Variants in SPIN1 observed in about 807,000 individuals in gnomAD.
SPIN1 encodes spindlin 1.
Under a neutral mutation model 26.0 loss-of-function variants are expected in SPIN1, and 3 were observed. The ratio of observed to expected loss-of-function variants is 0.12; its 90% CI spans 0.05 to 0.30. The LOEUF is 0.30. SPIN1 is among the 10% of genes least tolerant of loss of function. The pLI, the probability that SPIN1 is intolerant of heterozygous loss-of-function variation, is 1.00. For synonymous variants in SPIN1, 101 were observed against 116.5 expected (o/e 0.87, Z 0.86); for missense variants, 126 against 333.4 (o/e 0.38, Z 4.84).
chr9:88,429,975 A>G (rs908697757), intron 2 of SPIN1, among the ~76,000 whole-genome samples: 1 of 152,232 alleles, frequency 6.6e-6, no homozygotes, highest in African/African-American at 2.4e-5. Flanking sequence ...TTACAGAAGT[A>G]TAGCCTATTT....
intron 2 of SPIN1, among the ~76,000 whole-genome samples, chr9:88,428,089 A>G (rs1827797538): frequency 6.6e-6 from 1 of 152,228 alleles, no homozygotes; most frequent in Non-Finnish European, 1.5e-5. Context: ...GAAACCTCCC[A>G]GGTCTCTGTC....
chr9:88,406,005 C>CTGTG (rs745317937), intron 1 of SPIN1, among the ~76,000 whole-genome samples: 1,771 of 103,326 alleles, frequency 0.017, 13 homozygotes, highest in Non-Finnish European at 0.023. Flanking sequence ...GCTTGTGTGT[C>CTGTG]TGTGTGTGTG....
At chr9:88,404,824 G>T (rs889093007) in intron 1 of SPIN1, among the ~76,000 whole-genome samples, 3 of 151,226 alleles carry the variant, frequency 2.0e-5, no homozygotes, top group Non-Finnish European at 2.9e-5. Flanking sequence ...GCTGAGGCAG[G>T]AGAATCGCTT....
At chr9:88,457,074 C>A (rs1487958103) in intron 3 of SPIN1, among the ~76,000 whole-genome samples, 1 of 152,054 alleles carries the variant, frequency 6.6e-6, no homozygotes, top group Non-Finnish European at 1.5e-5. Context: ...GAGAATTGAT[C>A]TAGAAGTGCT....
At position 88,477,510 on chromosome 9, in the gene SPIN1, GC is replaced by G. The variant is rs1417349316; in HGVS notation, c.*2235del. ...TGAGTTTAATCATTGTTCATTTATT[GC>G]CTTTAGGGCTGAGGGAAAGGGAAGG... On this transcript the variant is annotated 3_prime_UTR_variant, in exon 6 of 6. Transcript: ENST00000375859. 6.6e-6 allele frequency: 1 copy of G among 152,160 alleles called. No individual in the cohort carries two copies. The highest frequency in any genetic ancestry group is 2.4e-5 in the African/African-American group (1 of 41,390). The allele number at this position is 152,160 out of a possible 1,614,324, so 9.4% of individuals were successfully genotyped here. A position where few individuals can be genotyped will look rare whatever the true frequency, so the allele number is the denominator to read the frequency against.
intron 2 of SPIN1, among the ~76,000 whole-genome samples, chr9:88,437,698 A>G (rs1364386572): frequency 1.3e-5 from 2 of 152,198 alleles, no homozygotes; most frequent in African/African-American, 4.8e-5. Context: ...TTGCATTTCC[A>G]CAAGCAACTA....
intron 3 of SPIN1, among the ~76,000 whole-genome samples, chr9:88,452,460 G>A (rs1181352437): frequency 1.3e-5 from 2 of 152,204 alleles, no homozygotes; most frequent in South Asian, 2.1e-4. Flanking sequence ...GGGCATCTAT[G>A]TGCACCATGG....
At chr9:88,443,268 C>T (rs1430768620) in intron 2 of SPIN1, among the ~76,000 whole-genome samples, 1 of 151,962 alleles carries the variant, frequency 6.6e-6, no homozygotes, top group Non-Finnish European at 1.5e-5. Context: ...GTTTTTCTCT[C>T]TGCTTTTCAG....
At chr9:88,450,773 A>G (rs890301795) in intron 3 of SPIN1, among the ~76,000 whole-genome samples, 1 of 152,228 alleles carries the variant, frequency 6.6e-6, no homozygotes, top group African/African-American at 2.4e-5. Context: ...CCATTTTCCT[A>G]TTCTCAATGT....
At chr9:88,431,719 C>G (rs1267685925) in intron 2 of SPIN1, among the ~76,000 whole-genome samples, 1 of 152,046 alleles carries the variant, frequency 6.6e-6, no homozygotes, top group Non-Finnish European at 1.5e-5. Context: ...TAGTGTATAT[C>G]TTTTTCATTT....
intron 1 of SPIN1, among the ~76,000 whole-genome samples, chr9:88,398,218 C>G (rs1827108482): frequency 6.6e-6 from 1 of 151,946 alleles, no homozygotes; most frequent in Non-Finnish European, 1.5e-5. Context: ...ACCTGTGCCA[C>G]TGCACTACAG....
chr9:88,477,616 A>C lies in SPIN1; in HGVS notation c.*2339A>C, dbSNP rs971578274. On this transcript the variant is annotated 3_prime_UTR_variant, in exon 6 of 6. Coordinates refer to ENST00000375859, the MANE Select transcript of SPIN1 (RefSeq NM_006717.3). ...CACCACATGTAATGACGCTATGACTAATTCTGCTCCCAAGCCCTTGTATCT... is the reference window on the plus strand; with the variant it reads ...CACCACATGTAATGACGCTATGACTCATTCTGCTCCCAAGCCCTTGTATCT... The C allele has an allele frequency of 1.2e-4, 18 of 152,426 alleles. No individual in the cohort carries two copies. The highest frequency in any genetic ancestry group is 4.4e-4 in the African/African-American group (18 of 41,370). 9.4% of individuals were successfully genotyped at this position (152,426 alleles called of 1,614,324 possible).
intron 2 of SPIN1, 122 bp from the exon 3 acceptor site, chr9:88,448,819 C>T (rs986263452): frequency 3.3e-5 from 24 of 719,978 alleles, no homozygotes; most frequent in African/African-American, 5.4e-5. Flanking sequence ...AACATGTTTG[C>T]TGGTAGTGGT....
intron 1 of SPIN1, among the ~76,000 whole-genome samples, chr9:88,403,179 G>A (rs1301962209): frequency 6.6e-6 from 1 of 151,874 alleles, no homozygotes; most frequent in Admixed American, 6.6e-5. Flanking sequence ...TGCATATTCT[G>A]GATTTTAGTC....
chr9:88,453,131 G>C (rs9785275), intron 3 of SPIN1, among the ~76,000 whole-genome samples: 51,745 of 151,888 alleles, frequency 0.34, 16,265 homozygotes, highest in African/African-American at 0.84. Context: ...CTTTCCCTTT[G>C]CTTTCCTTTT....
chr9:88,438,197 T>C (rs1201932081), intron 2 of SPIN1, among the ~76,000 whole-genome samples: 3 of 152,192 alleles, frequency 2.0e-5, no homozygotes, highest in Admixed American at 2.0e-4. Flanking sequence ...ATTCATTAAT[T>C]GCTGTAAATT....
At chr9:88,454,187 T>C (rs1252590477) in intron 3 of SPIN1, among the ~76,000 whole-genome samples, 1 of 152,124 alleles carries the variant, frequency 6.6e-6, no homozygotes, top group African/African-American at 2.4e-5. Context: ...TACTAACTGG[T>C]AAATGAGAGT....
chr9:88,474,548 C>G (rs568915304), intron 5 of SPIN1, among the ~76,000 whole-genome samples: 1 of 152,256 alleles, frequency 6.6e-6, no homozygotes, highest in East Asian at 1.9e-4. Flanking sequence ...GGGGAAGAAG[C>G]TTTAAGGATT....
intron 1 of SPIN1, among the ~76,000 whole-genome samples, chr9:88,414,370 T>C (rs1480086515): frequency 6.6e-6 from 1 of 152,212 alleles, no homozygotes; most frequent in Non-Finnish European, 1.5e-5. Context: ...CTTGTTAACA[T>C]AAACTAGGTG....
Sources: allele counts gnomAD v4.1 joint callset (sites outside exome capture counted in the v4.1 genomes callset), GRCh38; gene constraint gnomAD v4.1.1; transcripts MANE v1.5; gene names NCBI Gene and HGNC (gene_info 2026-07-23, HGNC 2026-07-21).